Variants in IGF2R observed in about 807,000 individuals in gnomAD.
The protein encoded by IGF2R is insulin like growth factor 2 receptor, also known as cation-independent mannose-6-phosphate receptor.
In IGF2R, 91 loss-of-function variants were observed where a neutral mutation model predicts 270.6. The ratio of observed to expected loss-of-function variants is 0.34; its 90% CI spans 0.28 to 0.40. The LOEUF (loss-of-function observed/expected upper bound fraction) is 0.40. IGF2R is among the 10% of genes least tolerant of loss of function. IGF2R has a pLI of 1.00. For missense variants in IGF2R, 2,805 were observed against 3,188.3 expected (o/e 0.88, Z 2.90); for synonymous variants, 1,316 against 1,258.9 (o/e 1.05, Z -0.96).
chr6:160,030,448 A>G (rs1034437481), intron 7 of IGF2R, among the ~76,000 whole-genome samples: 1 of 152,178 alleles, frequency 6.6e-6, no homozygotes, highest in African/African-American at 2.4e-5. Flanking sequence ...TGTGTGTGGG[A>G]TATGGAGACA....
At chr6:160,082,879 C>T (rs115692948) in intron 39 of IGF2R, among the ~76,000 whole-genome samples, 1,686 of 152,346 alleles carry the variant, frequency 0.011, 35 homozygotes, top group African/African-American at 0.039. Context: ...TGGTGCAGGC[C>T]TTGGTCTGAC....
At chr6:160,068,485 G>C in intron 30 of IGF2R, 100 bp downstream of exon 30, 1 of 1,530,530 alleles carries the variant, frequency 6.5e-7, no homozygotes, top group South Asian at 1.2e-5. Context: ...GTTGTAGTGA[G>C]TGTATCACAG....
rs747422478 is a variant in IGF2R at position 160,040,732 on chromosome 6, C to T, written c.1480+8C>T. On this transcript the variant is annotated splice_region_variant and intron_variant, in intron 11 of 47. Coordinates refer to ENST00000356956, the MANE Select transcript of IGF2R (RefSeq NM_000876.4). ...CGCTGGTCCGCCATGCAGGTACTGC[C>T]CTCCTTGCCATGCGGGTCTTAGTCC... 1 of 1,607,718 alleles carries T rather than the reference C, an allele frequency of 6.2e-7. No homozygotes were observed. The highest frequency in any genetic ancestry group is 1.1e-5 in the South Asian group (1 of 90,506).
chr6:160,050,704 G>A lies in IGF2R; in HGVS notation c.2694+52G>A, dbSNP rs1198288148. The A allele has an allele frequency of 2.0e-6, 3 of 1,505,472 alleles. No individual in the cohort carries two copies. Among genetic ancestry groups the A allele is most frequent in the Non-Finnish European group, 1.8e-6 (2 of 1,108,546 alleles). 93.3% of individuals were successfully genotyped at this position (1,505,472 alleles called of 1,614,324 possible). On this transcript the variant is annotated intron_variant, in intron 19 of 47. Coordinates refer to ENST00000356956, the MANE Select transcript of IGF2R (RefSeq NM_000876.4). This position sits in a 1 kb window ranked among gnomAD's most constrained non-coding sequence, Gnocchi z 4.0. ...CTTCACTGCTGCATTTTTTGACTGA[G>A]CGTTGCCTTATGTGTCTCTTAACAG...
intron 1 of IGF2R, 41 bp downstream of exon 1, chr6:159,969,436 CG>C: frequency 8.4e-7 from 1 of 1,183,546 alleles, no homozygotes; most frequent in Non-Finnish European, 1.0e-6. Context: ...TCGCGGTGCC[CG>C]GGGTGAGCGG....
intron 4 of IGF2R, among the ~76,000 whole-genome samples, chr6:160,021,016 T>C (rs1228052487): frequency 2.6e-5 from 4 of 152,130 alleles, no homozygotes; most frequent in Admixed American, 2.6e-4. Flanking sequence ...ACAGACAACA[T>C]ACAAAATGGC....
chr6:160,065,814 G>GTGTATATATATATATATATATATATA, intron 29 of IGF2R, among the ~76,000 whole-genome samples: 1 of 78,390 alleles, frequency 1.3e-5, no homozygotes, highest in Non-Finnish European at 2.3e-5. Flanking sequence ...GTGTGTGTGT[G>GTGTATATATATATATATATATATATA]TATATATATA....
At chr6:160,079,935 C>A in intron 38 of IGF2R, 148 bp downstream of exon 38, 2 of 986,092 alleles carry the variant, frequency 2.0e-6, no homozygotes, top group South Asian at 1.6e-5. Flanking sequence ...CCTCTGTACA[C>A]CCCCGGTGTG....
chr6:160,048,615 C>T lies in IGF2R; in HGVS notation c.2514+72C>T. 3 of 1,484,192 alleles carry T rather than the reference C, an allele frequency of 2.0e-6. 1 individual carries two copies. Among genetic ancestry groups the T allele is most frequent in the South Asian group, 2.5e-5 (2 of 80,114 alleles). 91.9% of individuals were successfully genotyped at this position (1,484,192 alleles called of 1,614,324 possible). A position where few individuals can be genotyped will look rare whatever the true frequency, so the allele number is the denominator to read the frequency against. ...GACTTAGTGGGAGGAGGTGGTTATT[C>T]TGGGACATCCAGATCAAAGGCAGCA... On this transcript the variant is annotated intron_variant, in intron 18 of 47. Coordinates refer to ENST00000356956, the MANE Select transcript of IGF2R (RefSeq NM_000876.4).
intron 45 of IGF2R, among the ~76,000 whole-genome samples, chr6:160,101,088 G>A (rs1208053803): frequency 1.3e-5 from 2 of 150,896 alleles, no homozygotes; most frequent in Non-Finnish European, 3.0e-5. Flanking sequence ...CACTGTGCTC[G>A]GCCTAAGTCA....
At chr6:160,013,269 G>T (rs1331538004) in intron 4 of IGF2R, among the ~76,000 whole-genome samples, 1 of 152,022 alleles carries the variant, frequency 6.6e-6, no homozygotes, top group Non-Finnish European at 1.5e-5. Context: ...TTCAAAGCCT[G>T]CCCTGGCCTG....
intron 18 of IGF2R, among the ~76,000 whole-genome samples, chr6:160,048,903 AG>A (rs1778130402): frequency 1.3e-5 from 2 of 152,298 alleles, no homozygotes; most frequent in East Asian, 3.9e-4. Flanking sequence ...TGGATTGATT[AG>A]GGGGAAAAAC....
At chr6:159,969,855 C>T (rs1244352512) in intron 1 of IGF2R, among the ~76,000 whole-genome samples, 3 of 152,126 alleles carry the variant, frequency 2.0e-5, no homozygotes, top group Admixed American at 2.0e-4. Flanking sequence ...GGCGTTGGAG[C>T]CCGCAGGAAT....
Position 160,032,419 on chromosome 6 carries a change from G to C in IGF2R, c.883-132G>C, listed in dbSNP as rs941228919. On this transcript the variant is annotated intron_variant, in intron 7 of 47. Coordinates refer to ENST00000356956, the MANE Select transcript of IGF2R (RefSeq NM_000876.4). Reference sequence around the variant, plus strand: ...ATCTTAATGTGTTAGAGGCAATTATGATTCAAAAAACAGAAACAGCAAAAT... The same window carrying C: ...ATCTTAATGTGTTAGAGGCAATTATCATTCAAAAAACAGAAACAGCAAAAT... 5.4e-5 allele frequency: 39 copies of C among 728,320 alleles called. 1 individual carries two copies. Among genetic ancestry groups the C allele is most frequent in the Non-Finnish European group, 1.1e-5 (5 of 448,476 alleles). 45.1% of individuals were successfully genotyped at this position (728,320 alleles called of 1,614,324 possible). A position where few individuals can be genotyped will look rare whatever the true frequency, so the allele number is the denominator to read the frequency against.
At chr6:160,051,459 G>A (rs1404825186) in intron 19 of IGF2R, among the ~76,000 whole-genome samples, 1 of 152,174 alleles carries the variant, frequency 6.6e-6, no homozygotes, top group Admixed American at 6.5e-5. Flanking sequence ...CTTGAGGGTG[G>A]AGGTAACAAG....
intron 1 of IGF2R, among the ~76,000 whole-genome samples, chr6:159,984,725 C>A (rs369924118): frequency 6.6e-6 from 1 of 152,186 alleles, no homozygotes; most frequent in South Asian, 2.1e-4. Context: ...CCTCATGACA[C>A]ATTTCTGATG....
rs182532458 is a variant in IGF2R, at chr6:160,032,320, G to A, written c.883-231G>A. On this transcript the variant is annotated intron_variant, in intron 7 of 47. Transcript: ENST00000356956. ...TGTAAAGAGGAAATGGAGGTGTTACGAGTCAAATGGAAAAAAAATAACAGT... is the reference window on the plus strand; with the variant it reads ...TGTAAAGAGGAAATGGAGGTGTTACAAGTCAAATGGAAAAAAAATAACAGT... 4.0e-3 allele frequency among the ~76,000 whole-genome samples: 611 copies of A among 152,130 alleles called. 4 individuals carry two copies. Among genetic ancestry groups the A allele is most frequent in the Non-Finnish European group, 3.9e-3 (263 of 68,004 alleles).
At chr6:160,096,343 A>T in intron 44 of IGF2R, 96 bp from the exon 45 acceptor site, 2 of 1,122,692 alleles carry the variant, frequency 1.8e-6, no homozygotes, top group Non-Finnish European at 2.6e-6. Flanking sequence ...GCCTGATTTT[A>T]AGTCTTTGCA....
At position 160,068,103 on chromosome 6, in the gene IGF2R, T is replaced by TGTGTGA. The variant is rs1554246630; in HGVS notation, c.4116-145_4116-140dup. On this transcript the variant is annotated intron_variant, in intron 29 of 47. Transcript: ENST00000356956. Reference sequence around the variant, plus strand: ...GTGTGTGTGTGTGTGTGTGTGTGTGTGTGTGACAGAGACAGAGAGAAGTCG... The same window carrying TGTGTGA: ...GTGTGTGTGTGTGTGTGTGTGTGTGTGTGTGAGTGTGACAGAGACAGAGAGAAGTCG... The TGTGTGA allele has an allele frequency of 8.8e-5, 56 of 637,030 alleles. 1 individual carries two copies. The African/African-American group carries it at 9.4e-4, about 11-fold the overall frequency. The allele number at this position is 637,030 out of a possible 1,614,324, so 39.5% of individuals were successfully genotyped here.
Sources: allele counts gnomAD v4.1 joint callset (sites outside exome capture counted in the v4.1 genomes callset), GRCh38; gene constraint gnomAD v4.1.1; non-coding constraint Gnocchi (gnomAD v3.1); transcripts MANE v1.5; gene names NCBI Gene and HGNC (gene_info 2026-07-23, HGNC 2026-07-21).